Variants in GLRA2 observed in about 807,000 individuals in gnomAD.
GLRA2 encodes glycine receptor subunit alpha-2.
GLRA2 carries 11 observed loss-of-function variants against 31.6 expected under a neutral mutation model. The observed-to-expected ratio is 0.35, with a 90% CI of 0.22 to 0.58. The LOEUF is 0.58. Ranked by LOEUF, GLRA2 falls within the 20% of genes least tolerant of loss-of-function variation. The pLI, the probability that GLRA2 is intolerant of heterozygous loss-of-function variation, is 0.84. For synonymous variants in GLRA2, 132 were observed against 134.0 expected (o/e 0.99, Z 0.10); for missense variants, 212 against 351.8 (o/e 0.60, Z 3.18).
intron 4 of GLRA2, among the ~76,000 whole-genome samples, chrX:14,592,774 GATT>G (rs1439205334): frequency 8.9e-6 from 1 of 112,375 alleles, no homozygotes; most frequent in Non-Finnish European, 1.9e-5. Context: ...TGTACCCTCT[GATT>G]CAATCACCAG....
rs186724790 is a variant in GLRA2 at position 14,688,887 on chromosome X, G to A, written c.931-1823G>A. On this transcript the variant is annotated intron_variant, in intron 7 of 8. Transcript: ENST00000218075. Reference sequence around the variant, plus strand: ...AATGCAGAAATCCCTCGTCTTCTGCGTCGCTCAGGCTGGGAGCTGTAGACT... The same window carrying A: ...AATGCAGAAATCCCTCGTCTTCTGCATCGCTCAGGCTGGGAGCTGTAGACT... Among the ~76,000 whole-genome samples the A allele has an allele frequency of 3.2e-4, 36 of 111,549 alleles. 1 individual carries two copies. The South Asian group carries it at 3.4e-3, about 11-fold the overall frequency.
intron 2 of GLRA2, among the ~76,000 whole-genome samples, chrX:14,566,794 G>A (rs999203117): frequency 9.0e-6 from 1 of 111,023 alleles, no homozygotes; most frequent in Admixed American, 9.5e-5. Context: ...CACTTGAAAC[G>A]ATTGCCTGCT....
chrX:14,589,706 A>ATATACACACATATATATATG (rs1556016805), intron 4 of GLRA2, among the ~76,000 whole-genome samples: 1 of 100,762 alleles, frequency 9.9e-6, no homozygotes, highest in African/African-American at 3.6e-5. Context: ...TAGTGTATAT[A>ATATACACACATATATATATG]TATACACACA....
At chrX:14,621,002 G>A (rs956945970) in intron 7 of GLRA2, among the ~76,000 whole-genome samples, 2 of 111,478 alleles carry the variant, frequency 1.8e-5, no homozygotes, top group South Asian at 7.5e-4. Flanking sequence ...GGGCCCATGT[G>A]TACTTGCTCT....
At chrX:14,449,891 T>TG in the GLRA2 span, among the ~76,000 whole-genome samples, 722 of 111,510 alleles carry the variant, frequency 6.5e-3, 8 homozygotes, top group African/African-American at 0.022. Flanking sequence ...GAGAAGAGTG[T>TG]GGTATAGGCT....
chrX:14,627,334 G>T (rs757820318), intron 7 of GLRA2, among the ~76,000 whole-genome samples: 5 of 110,677 alleles, frequency 4.5e-5, no homozygotes, highest in Non-Finnish European at 9.5e-5. Context: ...GATATTATTG[G>T]TCTTAGATAA....
At chrX:14,573,989 C>A (rs772106186) in intron 2 of GLRA2, among the ~76,000 whole-genome samples, 3 of 110,507 alleles carry the variant, frequency 2.7e-5, no homozygotes, top group Non-Finnish European at 3.8e-5. Flanking sequence ...ACGAGGGAAC[C>A]GCTGTTGATG....
intron 2 of GLRA2, among the ~76,000 whole-genome samples, chrX:14,545,085 C>A (rs970248862): frequency 1.8e-5 from 2 of 112,102 alleles, no homozygotes; most frequent in African/African-American, 3.2e-5. Context: ...AAAGTATCCA[C>A]AGTGATGACA....
chrX:14,484,525 G>A, the GLRA2 span, among the ~76,000 whole-genome samples: 3 of 112,219 alleles, frequency 2.7e-5, no homozygotes, highest in Non-Finnish European at 5.6e-5. Flanking sequence ...ATAGGGATAT[G>A]AATGATTTTA....
the GLRA2 span, among the ~76,000 whole-genome samples, chrX:14,500,642 C>A: frequency 8.9e-6 from 1 of 111,967 alleles, no homozygotes; most frequent in Non-Finnish European, 1.9e-5. Flanking sequence ...GTGTGGAAAC[C>A]ATGGGTCAGG....
intron 2 of GLRA2, among the ~76,000 whole-genome samples, chrX:14,563,368 CAA>C (rs1472075210): frequency 8.9e-6 from 1 of 112,187 alleles, no homozygotes; most frequent in Non-Finnish European, 1.9e-5. Flanking sequence ...GGCTGAGAAA[CAA>C]AGACTATAGT....
intron 2 of GLRA2, among the ~76,000 whole-genome samples, chrX:14,549,246 A>T (rs1364688423): frequency 1.8e-5 from 2 of 111,953 alleles, no homozygotes; most frequent in Admixed American, 1.9e-4. Context: ...ATAATAAAAG[A>T]TGAGTATCTC....
At chrX:14,589,415 T>C (rs1248514281) in intron 4 of GLRA2, among the ~76,000 whole-genome samples, 1 of 106,643 alleles carries the variant, frequency 9.4e-6, no homozygotes, top group Non-Finnish European at 1.9e-5. Flanking sequence ...ATCCCAGCAC[T>C]TTGGGAGGCC....
At chrX:14,601,971 T>C (rs2090280313) in intron 4 of GLRA2, among the ~76,000 whole-genome samples, 1 of 111,702 alleles carries the variant, frequency 9.0e-6, no homozygotes, top group South Asian at 3.7e-4. Flanking sequence ...ATTGTAGTAT[T>C]AGGATCAAAT....
chrX:14,594,117 C>T (rs1430140959), intron 4 of GLRA2, among the ~76,000 whole-genome samples: 1 of 111,990 alleles, frequency 8.9e-6, no homozygotes, highest in South Asian at 3.7e-4. Context: ...TCAGTTACCA[C>T]AGTGGAAGTC....
intron 7 of GLRA2, among the ~76,000 whole-genome samples, chrX:14,682,002 T>TGA (rs1392067352): frequency 1.0e-5 from 1 of 99,131 alleles, no homozygotes; most frequent in Non-Finnish European, 2.0e-5. Flanking sequence ...TGTATGTGTG[T>TGA]GTGTGTGTGT....
the GLRA2 span, among the ~76,000 whole-genome samples, chrX:14,511,408 C>G: frequency 9.0e-6 from 1 of 111,351 alleles, no homozygotes; most frequent in Non-Finnish European, 1.9e-5. Flanking sequence ...AATACCTTTC[C>G]TTTGTATCAA....
At chrX:14,635,160 G>A (rs1283072638) in intron 7 of GLRA2, among the ~76,000 whole-genome samples, 1 of 111,739 alleles carries the variant, frequency 8.9e-6, no homozygotes, top group Non-Finnish European at 1.9e-5. Flanking sequence ...TTTAACCTGA[G>A]AAGAGAGGAA....
chrX:14,586,805 T>C (rs1416703398), intron 4 of GLRA2, among the ~76,000 whole-genome samples: 1 of 112,419 alleles, frequency 8.9e-6, no homozygotes, highest in Non-Finnish European at 1.9e-5. Flanking sequence ...ACAGCTCATC[T>C]CACATGCCCA....
Sources: allele counts gnomAD v4.1 joint callset (sites outside exome capture counted in the v4.1 genomes callset), GRCh38; gene constraint gnomAD v4.1.1; transcripts MANE v1.5; gene names NCBI Gene and HGNC (gene_info 2026-07-23, HGNC 2026-07-21).